The following TMEM132D variants were observed in gnomAD, a reference collection of about 807,000 sequenced individuals.
TMEM132D encodes mature OL transmembrane protein.
A neutral mutation model predicts 62.3 loss-of-function variants in TMEM132D; 21 were observed. That is an observed-to-expected ratio of 0.34 (90% confidence interval 0.24 to 0.49). The LOEUF is 0.49. TMEM132D is among the 20% of genes least tolerant of loss of function. The pLI is 0.99. For missense variants in TMEM132D, 1,346 were observed against 1,402.8 expected (o/e 0.96, Z 0.65); for synonymous variants, 621 against 575.6 (o/e 1.08, Z -1.13).
At chr12:129,814,732 TCTA>T (rs1872296577) in intron 1 of TMEM132D, among the ~76,000 whole-genome samples, 1 of 151,914 alleles carries the variant, frequency 6.6e-6, no homozygotes, top group Non-Finnish European at 1.5e-5. Flanking sequence ...TGTCAACCGC[TCTA>T]CTAACTGAGC....
At chr12:129,466,556 T>C (rs982222316) in intron 3 of TMEM132D, among the ~76,000 whole-genome samples, 4 of 152,190 alleles carry the variant, frequency 2.6e-5, no homozygotes, top group Admixed American at 2.0e-4. Flanking sequence ...ACAACTGTTA[T>C]GAATCCTCTA....
intron 3 of TMEM132D, among the ~76,000 whole-genome samples, chr12:129,462,418 AGAAATT>A (rs2137039956): frequency 6.6e-6 from 1 of 152,338 alleles, no homozygotes; most frequent in Non-Finnish European, 1.5e-5. Context: ...AAGGAGTTTT[AGAAATT>A]GAAATAGTAT....
At chr12:129,533,273 C>T (rs1250092254) in intron 2 of TMEM132D, among the ~76,000 whole-genome samples, 1 of 152,202 alleles carries the variant, frequency 6.6e-6, no homozygotes, top group Non-Finnish European at 1.5e-5. Flanking sequence ...GCCAAAAAGC[C>T]ATCTGACCTT....
At chr12:129,362,568 T>C (rs2064910713) in intron 3 of TMEM132D, among the ~76,000 whole-genome samples, 1 of 151,994 alleles carries the variant, frequency 6.6e-6, no homozygotes, top group African/African-American at 2.4e-5. Flanking sequence ...AGATATATTT[T>C]ATTTTTATAT....
chr12:129,727,001 G>T (rs964152878), intron 1 of TMEM132D, among the ~76,000 whole-genome samples: 1 of 152,142 alleles, frequency 6.6e-6, no homozygotes, highest in Non-Finnish European at 1.5e-5. Flanking sequence ...TTTGCTATGG[G>T]TGCTATGGGC....
intron 2 of TMEM132D, among the ~76,000 whole-genome samples, chr12:129,622,549 C>T (rs1482972463): frequency 2.0e-5 from 3 of 152,166 alleles, no homozygotes; most frequent in Non-Finnish European, 2.9e-5. Flanking sequence ...GTCCAGGTCA[C>T]CACTCACCTC....
At chr12:129,406,449 T>A (rs7975089) in intron 3 of TMEM132D, among the ~76,000 whole-genome samples, 22,798 of 151,806 alleles carry the variant, frequency 0.15, 2,089 homozygotes, top group Non-Finnish European at 0.21. Context: ...TGAAACCCCG[T>A]CTCTACTAAA....
At chr12:129,370,904 G>A (rs1384815284) in intron 3 of TMEM132D, among the ~76,000 whole-genome samples, 2 of 152,152 alleles carry the variant, frequency 1.3e-5, no homozygotes, top group East Asian at 3.9e-4. Flanking sequence ...ATAAAGAGAA[G>A]TTGGTTAATG....
chr12:129,582,424 A>G (rs1402314969), intron 2 of TMEM132D, among the ~76,000 whole-genome samples: 1 of 152,190 alleles, frequency 6.6e-6, no homozygotes, highest in Non-Finnish European at 1.5e-5. Flanking sequence ...ATTGCTCTCA[A>G]TGCAGAGTGT....
intron 2 of TMEM132D, among the ~76,000 whole-genome samples, chr12:129,578,658 G>A (rs1652980888): frequency 6.6e-6 from 1 of 152,024 alleles, no homozygotes; most frequent in Non-Finnish European, 1.5e-5. Flanking sequence ...ACCCAGGAAA[G>A]GTGGTGATAT....
chr12:129,532,263 G>A (rs1236367642), intron 2 of TMEM132D, among the ~76,000 whole-genome samples: 3 of 152,134 alleles, frequency 2.0e-5, no homozygotes, highest in East Asian at 1.9e-4. Context: ...CTAGGCAGAC[G>A]AGGATGGTGG....
intron 3 of TMEM132D, among the ~76,000 whole-genome samples, chr12:129,403,235 G>A (rs1279625047): frequency 6.7e-6 from 1 of 149,306 alleles, no homozygotes; most frequent in Admixed American, 6.8e-5. Flanking sequence ...TGTCAGCGAA[G>A]GTGATTGCTC....
chr12:129,872,113 A>C (rs529487909), intron 1 of TMEM132D, among the ~76,000 whole-genome samples: 1 of 152,354 alleles, frequency 6.6e-6, no homozygotes, highest in Admixed American at 6.5e-5. Context: ...CCTCAATCAC[A>C]GACCAATAAA....
chr12:129,283,585 A>G lies in TMEM132D; in HGVS notation c.1299+54049T>C, dbSNP rs1483367560. Among the ~76,000 whole-genome samples, 3 of 152,092 alleles carry G rather than the reference A, an allele frequency of 2.0e-5. No individual in the cohort carries two copies. In the East Asian group the frequency reaches 5.8e-4, roughly 29 times the overall value. The stretch of plus-strand genomic sequence containing the variant: ...ATCTCTACTGAATTTTTTTTCCCAA[A>G]GTATTGAATGATTTTCAAGACATGT... On this transcript the variant is annotated intron_variant, in intron 4 of 8. Coordinates refer to ENST00000422113, the MANE Select transcript of TMEM132D (RefSeq NM_133448.3).
At chr12:129,808,683 G>A (rs1023712418) in intron 1 of TMEM132D, among the ~76,000 whole-genome samples, 18 of 152,118 alleles carry the variant, frequency 1.2e-4, no homozygotes, top group African/African-American at 4.1e-4. Flanking sequence ...AAGAAACCAA[G>A]AAAAAGTCCA....
At chr12:129,372,819 G>A (rs945565680) in intron 3 of TMEM132D, among the ~76,000 whole-genome samples, 11 of 151,966 alleles carry the variant, frequency 7.2e-5, no homozygotes, top group East Asian at 1.9e-4. Flanking sequence ...TAATTATTTC[G>A]TTATATGTTA....
chr12:129,771,583 A>T (rs892308804), intron 1 of TMEM132D, among the ~76,000 whole-genome samples: 1 of 152,210 alleles, frequency 6.6e-6, no homozygotes, highest in African/African-American at 2.4e-5. Flanking sequence ...TTGAGAGTTC[A>T]TGTTTGCTAA....
At chr12:129,530,444 A>G (rs1876183301) in intron 3 of TMEM132D, among the ~76,000 whole-genome samples, 1 of 152,142 alleles carries the variant, frequency 6.6e-6, no homozygotes, top group Non-Finnish European at 1.5e-5. Flanking sequence ...TAAAACAAGA[A>G]CTACTGAGTT....
chr12:129,281,092 C>A (rs1388809183), intron 4 of TMEM132D, among the ~76,000 whole-genome samples: 1 of 152,088 alleles, frequency 6.6e-6, no homozygotes, highest in East Asian at 1.9e-4. Context: ...TAGTACCAAC[C>A]AGGCCTTCTT....
Sources: gnomAD v4.1 joint callset for allele counts (sites outside exome capture counted in the v4.1 genomes callset) on GRCh38, gnomAD v4.1.1 for gene constraint, MANE v1.5 for transcripts, NCBI Gene and HGNC (gene_info 2026-07-23, HGNC 2026-07-21) for gene names.